The following RANBP17 variants were observed in gnomAD, a reference collection of about 807,000 sequenced individuals.
RANBP17 encodes the protein ran-binding protein 17.
In RANBP17, 158 loss-of-function variants were observed where a neutral mutation model predicts 141.2. The ratio of observed to expected loss-of-function variants is 1.12; its 90% CI spans 0.98 to 1.28. The LOEUF is 1.28. RANBP17 is among the 50% of genes most tolerant of loss of function. The probability of loss-of-function intolerance (pLI) is 0.00; values close to 1 mark genes in which losing one functional copy is unlikely to be tolerated. For synonymous variants in RANBP17, 430 were observed against 450.0 expected, an observed-to-expected ratio of 0.96 and a Z score of 0.56; for missense variants, 1,438 against 1,290.7, an observed-to-expected ratio of 1.11 and a Z score of -1.75.
At chr5:171,016,587 G>A (rs1357391177) in intron 14 of RANBP17, among the ~76,000 whole-genome samples, 8 of 151,806 alleles carry the variant, frequency 5.3e-5, no homozygotes, top group South Asian at 2.1e-4. Context: ...ACAATGTGCA[G>A]GTTTTTTACA....
chr5:171,202,881 T>C (rs1328814170), intron 19 of RANBP17, among the ~76,000 whole-genome samples: 1 of 152,226 alleles, frequency 6.6e-6, no homozygotes, highest in African/African-American at 2.4e-5. Flanking sequence ...ATATTATAGC[T>C]GCCCCCAGTA....
intron 22 of RANBP17, among the ~76,000 whole-genome samples, chr5:171,238,285 G>A (rs1313622127): frequency 1.3e-5 from 2 of 152,044 alleles, no homozygotes; most frequent in African/African-American, 4.8e-5. Context: ...TGCAACCTTC[G>A]GCATAAATGG....
chr5:170,862,168 C>T (rs1160508660), intron 1 of RANBP17, 117 bp downstream of exon 1: 17 of 1,076,654 alleles, frequency 1.6e-5, no homozygotes, highest in Admixed American at 4.2e-5. Context: ...GGGCCGGTGT[C>T]CCCGGAGTCC....
rs371628452 is a variant in RANBP17 at position 170,880,975 on chromosome 5, C to T, written c.166-831C>T. Reference sequence around the variant, plus strand: ...ACATGTGGTCTCTGTTTTAGCTATTCAATTCTGCCATCGTGGCATGAAAGC... The same window carrying T: ...ACATGTGGTCTCTGTTTTAGCTATTTAATTCTGCCATCGTGGCATGAAAGC... On this transcript the variant is annotated intron_variant, in intron 2 of 27. Coordinates refer to ENST00000523189, the MANE Select transcript of RANBP17 (RefSeq NM_022897.5). Among the ~76,000 whole-genome samples the T allele has an allele frequency of 6.6e-5, 10 of 152,284 alleles. No individual in the cohort carries two copies. In the East Asian group the frequency reaches 1.9e-3, roughly 29 times the overall value.
chr5:170,938,247 A>G (rs1027250198), intron 12 of RANBP17, among the ~76,000 whole-genome samples: 1 of 152,224 alleles, frequency 6.6e-6, no homozygotes, highest in Non-Finnish European at 1.5e-5. Flanking sequence ...AGACTCTTGT[A>G]TTAAGTTGAA....
In RANBP17 at chr5:170,897,585, G is replaced by A. The variant is rs778671988; in HGVS notation, c.489+1470G>A. ...AGCCCCCCAACCCCCAACAGGCCCC[G>A]GTGTGTGATGTTTCTCTCCCCGTGT... On this transcript the variant is annotated intron_variant, in intron 5 of 27. Transcript: ENST00000523189. 7.8e-5 allele frequency among the ~76,000 whole-genome samples: 9 copies of A among 115,402 alleles called. No individual in the cohort carries two copies. The East Asian group carries it at 8.4e-4, about 11-fold the overall frequency. 75.7% of individuals were successfully genotyped at this position (115,402 alleles called of 152,430 possible).
At chr5:171,017,200 G>A (rs576744642) in intron 14 of RANBP17, among the ~76,000 whole-genome samples, 1 of 152,244 alleles carries the variant, frequency 6.6e-6, no homozygotes, top group Non-Finnish European at 1.5e-5. Context: ...ATTGTAAATA[G>A]TGCTGCAATA....
chr5:171,271,397 T>G (rs746063128), intron 25 of RANBP17: 6 of 210,748 alleles, frequency 2.8e-5, no homozygotes, highest in Non-Finnish European at 5.8e-5. Flanking sequence ...ATACTTAAGA[T>G]TCCATTCCAT....
At chr5:171,077,051 T>G in intron 14 of RANBP17, among the ~76,000 whole-genome samples, 1 of 152,048 alleles carries the variant, frequency 6.6e-6, no homozygotes. Context: ...AAAAAAGGTG[T>G]ACAACATGCC....
intron 18 of RANBP17, among the ~76,000 whole-genome samples, chr5:171,188,137 A>T (rs17680267): frequency 0.061 from 9,313 of 152,232 alleles, 371 homozygotes; most frequent in East Asian, 0.12. Flanking sequence ...GCTTAGTGGG[A>T]TTGATTTCTA....
intron 14 of RANBP17, among the ~76,000 whole-genome samples, chr5:171,006,512 T>G (rs1050642323): frequency 4.6e-5 from 7 of 151,802 alleles, no homozygotes; most frequent in African/African-American, 1.7e-4. Context: ...AACCAAACAC[T>G]CCACGTTCTC....
intron 21 of RANBP17, among the ~76,000 whole-genome samples, chr5:171,218,188 AGT>A (rs1763339890): frequency 6.6e-6 from 1 of 152,064 alleles, no homozygotes; most frequent in South Asian, 2.1e-4. Context: ...GTTTCCATGT[AGT>A]TGTGTGGTTT....
intron 3 of RANBP17, among the ~76,000 whole-genome samples, chr5:170,887,560 A>G (rs931643692): frequency 6.6e-6 from 1 of 152,206 alleles, no homozygotes; most frequent in Non-Finnish European, 1.5e-5. Context: ...CATATTTAAA[A>G]GATTCATAAC....
intron 24 of RANBP17, among the ~76,000 whole-genome samples, chr5:171,264,568 T>G (rs1238530290): frequency 6.6e-6 from 1 of 152,188 alleles, no homozygotes; most frequent in African/African-American, 2.4e-5. Context: ...GTAACTATTA[T>G]AGTGCTGTAT....
In RANBP17 at chr5:171,097,810, C is replaced by G. The variant is rs181028050; in HGVS notation, c.1711-72320C>G. 2.6e-5 allele frequency among the ~76,000 whole-genome samples: 4 copies of G among 151,926 alleles called. 1 individual carries two copies. The highest frequency in any genetic ancestry group is 9.7e-5 in the African/African-American group (4 of 41,432). ...TTGCCCCACACTCCCCAACAGGCCCCAGTGTGTGATGTTCCCCTCCCTGTG... is the reference window on the plus strand; with the variant it reads ...TTGCCCCACACTCCCCAACAGGCCCGAGTGTGTGATGTTCCCCTCCCTGTG... On this transcript the variant is annotated intron_variant, in intron 14 of 27. Transcript: ENST00000523189.
intron 14 of RANBP17, among the ~76,000 whole-genome samples, chr5:171,142,098 G>A (rs1757742119): frequency 6.6e-6 from 1 of 152,084 alleles, no homozygotes; most frequent in African/African-American, 2.4e-5. Context: ...TTCATATGCT[G>A]TATTGGAAAT....
At chr5:171,252,938 C>A in intron 24 of RANBP17, 1 of 1,460,398 alleles carries the variant, frequency 6.8e-7, no homozygotes, top group Non-Finnish European at 9.6e-7. Flanking sequence ...TCAGATATCT[C>A]AAAGAACTCT....
chr5:171,023,307 T>G (rs949467167), intron 14 of RANBP17, among the ~76,000 whole-genome samples: 2 of 152,228 alleles, frequency 1.3e-5, no homozygotes, highest in Non-Finnish European at 2.9e-5. Context: ...CTTTTATAAC[T>G]TTTATATTTC....
At chr5:170,942,007 C>A (rs1234050560) in intron 12 of RANBP17, among the ~76,000 whole-genome samples, 1 of 152,140 alleles carries the variant, frequency 6.6e-6, no homozygotes, top group African/African-American at 2.4e-5. Flanking sequence ...AGGAGGCGAG[C>A]GGCAGGTGAA....
Sources: allele counts gnomAD v4.1 joint callset (sites outside exome capture counted in the v4.1 genomes callset), GRCh38; gene constraint gnomAD v4.1.1; transcripts MANE v1.5; gene names NCBI Gene and HGNC (gene_info 2026-07-23, HGNC 2026-07-21).